TRDN: variants seen among roughly 807,000 people sequenced by gnomAD.
TRDN encodes triadin.
In TRDN, 161 loss-of-function variants were observed where a neutral mutation model predicts 149.7. The observed-to-expected ratio is 1.08, with a 90% CI of 0.95 to 1.23. The LOEUF is 1.23. Among genes scored for constraint, TRDN ranks in the 50% most tolerant of loss-of-function variants. The probability of loss-of-function intolerance (pLI) is 0.00; values close to 1 mark genes in which losing one functional copy is unlikely to be tolerated. For synonymous variants in TRDN, 294 were observed against 250.5 expected, an observed-to-expected ratio of 1.17 and a Z score of -1.64; for missense variants, 896 against 823.5, an observed-to-expected ratio of 1.09 and a Z score of -1.08.
chr6:123,469,092 A>T (rs1238104013), intron 9 of TRDN, among the ~76,000 whole-genome samples: 1 of 152,200 alleles, frequency 6.6e-6, no homozygotes, highest in East Asian at 1.9e-4. Context: ...TGTGAGTTTA[A>T]TAAGGAAATG....
chr6:123,359,257 A>G (rs1378599852), intron 20 of TRDN, among the ~76,000 whole-genome samples: 1 of 152,206 alleles, frequency 6.6e-6, no homozygotes, highest in Non-Finnish European at 1.5e-5. Context: ...ACATAGTCGG[A>G]ATTATGAACA....
In TRDN at chr6:123,571,038, G is replaced by A. The variant is rs750571542; in HGVS notation, c.117C>T (p.Asp39=). 5.0e-6 allele frequency: 8 copies of A among 1,613,982 alleles called. No homozygotes were observed. In the East Asian group the frequency reaches 1.1e-4, roughly 22 times the overall value. The stretch of plus-strand genomic sequence containing the variant: ...CAGGGGAGCTGAACGTCGTCACTAT[G>A]TCTTCTGTGACTGTCCTCTTCAGCA... ...GKVLKRTVTE[D]IVTTFSSPAA... Residue 39 remains aspartate (D), a synonymous_variant, in exon 2 of 41, where the codon GAC becomes GAT. Coordinates refer to ENST00000334268, the MANE Select transcript of TRDN (RefSeq NM_006073.4).
At chr6:123,599,475 T>C (rs938164605) in intron 1 of TRDN, among the ~76,000 whole-genome samples, 1 of 152,110 alleles carries the variant, frequency 6.6e-6, no homozygotes, top group African/African-American at 2.4e-5. Flanking sequence ...GCATAATAGG[T>C]AAAACTATGC....
chr6:123,226,762 T>C (rs536660704), intron 38 of TRDN, among the ~76,000 whole-genome samples: 2 of 151,922 alleles, frequency 1.3e-5, no homozygotes, highest in Middle Eastern at 3.4e-3. Context: ...GTTGAGTGAG[T>C]GGTAGTTTTG....
intron 21 of TRDN, among the ~76,000 whole-genome samples, chr6:123,345,125 A>T (rs1231350376): frequency 1.3e-5 from 2 of 152,002 alleles, no homozygotes; most frequent in African/African-American, 4.8e-5. Context: ...GTCAAACCCA[A>T]GGACACCTAA....
chr6:123,466,936 T>C (rs1776855409), intron 9 of TRDN, among the ~76,000 whole-genome samples: 1 of 152,074 alleles, frequency 6.6e-6, no homozygotes, highest in South Asian at 2.1e-4. Flanking sequence ...CTTGAGTTAT[T>C]GAGGAACTTA....
chr6:123,383,868 ACT>A (rs1217636294), intron 14 of TRDN, among the ~76,000 whole-genome samples: 1 of 151,816 alleles, frequency 6.6e-6, no homozygotes, highest in Non-Finnish European at 1.5e-5. Flanking sequence ...AGGGGAAAAA[ACT>A]CTTGATTTTA....
chr6:123,547,170 A>T (rs1355814367), intron 4 of TRDN, among the ~76,000 whole-genome samples, 170 bp downstream of exon 4: 1 of 152,070 alleles, frequency 6.6e-6, no homozygotes, highest in Non-Finnish European at 1.5e-5. Flanking sequence ...AAGTAGTGAG[A>T]TCACCTTCAT....
intron 12 of TRDN, among the ~76,000 whole-genome samples, chr6:123,425,770 A>T (rs1350239416): frequency 6.6e-6 from 1 of 152,134 alleles, no homozygotes; most frequent in Non-Finnish European, 1.5e-5. Context: ...GAGAATGTAG[A>T]CAATGCTTAT....
chr6:123,454,925 G>A (rs530831465), intron 10 of TRDN, among the ~76,000 whole-genome samples: 4 of 152,318 alleles, frequency 2.6e-5, no homozygotes, highest in African/African-American at 9.6e-5. Context: ...GAATGCTGAT[G>A]TAAGTGACAG....
chr6:123,349,852 T>G, intron 21 of TRDN: 1 of 985,326 alleles, frequency 1.0e-6, no homozygotes, highest in Non-Finnish European at 1.2e-6. Flanking sequence ...ATGAGGACAG[T>G]GATAGATTTA....
At chr6:123,561,552 CCAAG>C (rs1348092443) in intron 2 of TRDN, among the ~76,000 whole-genome samples, 1 of 151,712 alleles carries the variant, frequency 6.6e-6, no homozygotes, top group Non-Finnish European at 1.5e-5. Context: ...AGCTCACCAA[CCAAG>C]CAAGTAATTA....
At chr6:123,222,886 T>A (rs1198547925) in intron 39 of TRDN, among the ~76,000 whole-genome samples, 1 of 151,424 alleles carries the variant, frequency 6.6e-6, no homozygotes, top group African/African-American at 2.4e-5. Context: ...TCAACAAGCG[T>A]ATGAAAAAAA....
chr6:123,303,322 A>G (rs1161441502), intron 24 of TRDN, among the ~76,000 whole-genome samples: 2 of 148,438 alleles, frequency 1.3e-5, no homozygotes, highest in Non-Finnish European at 3.0e-5. Context: ...CATAAAGATA[A>G]TGTTGTTGGA....
At chr6:123,529,162 G>T (rs1780092374) in intron 5 of TRDN, 1 of 1,540,510 alleles carries the variant, frequency 6.5e-7, no homozygotes, top group Non-Finnish European at 8.8e-7. Flanking sequence ...CAGTCTGCAA[G>T]AAAAAAACAG....
intron 27 of TRDN, 93 bp downstream of exon 27, chr6:123,274,548 A>C: frequency 9.1e-7 from 1 of 1,101,526 alleles, no homozygotes; most frequent in Non-Finnish European, 1.3e-6. Context: ...GACTATGTGC[A>C]TGTCTCCCTA....
At chr6:123,583,638 T>G (rs747056556) in intron 1 of TRDN, among the ~76,000 whole-genome samples, 1 of 151,926 alleles carries the variant, frequency 6.6e-6, no homozygotes. Context: ...CAGACTGTAT[T>G]GAGGTAGGAA....
At chr6:123,455,961 C>A (rs967726093) in intron 10 of TRDN, among the ~76,000 whole-genome samples, 1 of 152,040 alleles carries the variant, frequency 6.6e-6, no homozygotes, top group Non-Finnish European at 1.5e-5. Context: ...GAAAATTGAG[C>A]TTTTTCTTTT....
intron 24 of TRDN, among the ~76,000 whole-genome samples, chr6:123,308,331 C>T (rs1014683555): frequency 3.5e-5 from 3 of 86,714 alleles, no homozygotes; most frequent in Non-Finnish European, 6.4e-5. Flanking sequence ...TATGAGTGCA[C>T]GTGTGTGTTT....
Sources: allele counts gnomAD v4.1 joint callset (sites outside exome capture counted in the v4.1 genomes callset), GRCh38; gene constraint gnomAD v4.1.1; transcripts MANE v1.5; gene names NCBI Gene and HGNC (gene_info 2026-07-23, HGNC 2026-07-21).